Variants in TPMT observed in about 807,000 individuals in gnomAD.
TPMT encodes the protein thiopurine S-methyltransferase, also known as S-adenosyl-L-methionine:thiopurine S-methyltransferase.
In TPMT, 18 loss-of-function variants were observed where a neutral mutation model predicts 34.2. That is an observed-to-expected ratio of 0.53 (90% CI 0.36 to 0.78). The LOEUF is 0.78. Ranked by LOEUF, TPMT falls within the 30% of genes least tolerant of loss-of-function variation. TPMT has a pLI of 0.00. For synonymous variants in TPMT, 69 were observed against 92.4 expected (o/e 0.75, Z 1.45); for missense variants, 265 against 288.1 (o/e 0.92, Z 0.58).
rs1246097949 is a variant in TPMT at position 18,149,693 on chromosome 6, G to A, written c.-44-522C>T. Reference sequence around the variant, plus strand: ...GTTGTCCAGACAACAAAGAACGCCTGGGCTCAAGGGATCCTTCTGTCTTGG... The same window carrying A: ...GTTGTCCAGACAACAAAGAACGCCTAGGCTCAAGGGATCCTTCTGTCTTGG... On this transcript the variant is annotated intron_variant, in intron 1 of 8. Coordinates refer to ENST00000309983, the MANE Select transcript of TPMT (RefSeq NM_000367.5). This position sits in a 1 kb window ranked among gnomAD's most constrained non-coding sequence, Gnocchi z 5.0. Among the ~76,000 whole-genome samples, 4 of 152,066 alleles carry A rather than the reference G, an allele frequency of 2.6e-5. No individual in the cohort carries two copies. The highest frequency in any genetic ancestry group is 4.4e-5 in the Non-Finnish European group (3 of 68,020).
chr6:18,136,945 G>A lies in TPMT; in HGVS notation c.494+2018C>T, dbSNP rs1351442119. ...GGAATCACGACTTTTAGGCATGCAAGGAGGATGGGAGTTCTGGAAAAGAGA... is the reference window on the plus strand; with the variant it reads ...GGAATCACGACTTTTAGGCATGCAAAGAGGATGGGAGTTCTGGAAAAGAGA... On this transcript the variant is annotated intron_variant, in intron 6 of 8. Transcript: ENST00000309983. The surrounding 1 kb of genome is among the most constrained non-coding windows in gnomAD (Gnocchi z 4.7). Among the ~76,000 whole-genome samples, 2 of 152,186 alleles carry A rather than the reference G, an allele frequency of 1.3e-5. No individual in the cohort carries two copies. The highest frequency in any genetic ancestry group is 2.9e-5 in the Non-Finnish European group (2 of 68,038).
At position 18,143,534 on chromosome 6, in the gene TPMT, T is replaced by A; in HGVS notation, c.366+62A>T. ...CACATGAATGGTATCCTCATAATAC[T>A]CACACTGAGAAAAACTTTTGTGGGG... On this transcript the variant is annotated intron_variant, in intron 4 of 8. Coordinates refer to ENST00000309983, the MANE Select transcript of TPMT (RefSeq NM_000367.5). The surrounding 1 kb of genome is among the most constrained non-coding windows in gnomAD (Gnocchi z 6.1). 4 of 1,600,570 alleles carry A rather than the reference T, an allele frequency of 2.5e-6. No homozygotes were observed. Among genetic ancestry groups the A allele is most frequent in the Non-Finnish European group, 3.4e-6 (4 of 1,170,692 alleles).
rs1158772331 is a variant in TPMT at position 18,129,216 on chromosome 6, G to C, written c.*1452C>G. The stretch of plus-strand genomic sequence containing the variant: ...GTATCGACTGGGAGCAGGTCTCAGA[G>C]AAGCAAGAATCACTGTGAGCAAGGA... On this transcript the variant is annotated 3_prime_UTR_variant, in exon 9 of 9. Coordinates refer to ENST00000309983, the MANE Select transcript of TPMT (RefSeq NM_000367.5). 1.3e-5 allele frequency: 2 copies of C among 152,224 alleles called. No individual in the cohort carries two copies. Among genetic ancestry groups the C allele is most frequent in the Non-Finnish European group, 2.9e-5 (2 of 68,052 alleles). The allele number at this position is 152,224 out of a possible 1,614,324, so 9.4% of individuals were successfully genotyped here.
Position 18,139,003 on chromosome 6 carries a change from T to G in TPMT, c.454A>C (p.Arg152=). The G allele has an allele frequency of 6.2e-7, 1 of 1,613,748 alleles. No homozygotes were observed. Among genetic ancestry groups the G allele is most frequent in the Non-Finnish European group, 8.5e-7 (1 of 1,179,588 alleles). The change falls in exon 6 of 9, where the codon AGA becomes CGA. Residue 152 remains arginine (R), a synonymous_variant. Transcript: ENST00000309983. This position sits in a 1 kb window ranked among gnomAD's most constrained non-coding sequence, Gnocchi z 4.2. ...NIGKFDMIWD[R]GALVAINPGD... Reference sequence around the variant, plus strand: ...GGATTGATGGCAACTAATGCTCCTCTATCCCAAATCATGTCAAATTTGCCA... The same window carrying G: ...GGATTGATGGCAACTAATGCTCCTCGATCCCAAATCATGTCAAATTTGCCA...
In TPMT at chr6:18,140,356, G is replaced by A. The variant is rs943626423; in HGVS notation, c.367-639C>T. Among the ~76,000 whole-genome samples the A allele has an allele frequency of 1.3e-5, 2 of 152,224 alleles. No homozygotes were observed. Among genetic ancestry groups the A allele is most frequent in the African/African-American group, 4.8e-5 (2 of 41,462 alleles). On this transcript the variant is annotated intron_variant, in intron 4 of 8. Transcript: ENST00000309983. The surrounding 1 kb of genome is among the most constrained non-coding windows in gnomAD (Gnocchi z 4.7). ...GCGAACTATGTGAACACAGAAGGCA[G>A]AGCAGGGGCCTGCCTGGGAGCATCA...
chr6:18,139,770 G>T lies in TPMT; in HGVS notation c.367-53C>A. The T allele has an allele frequency of 1.6e-6, 2 of 1,276,730 alleles. No individual in the cohort carries two copies. The highest frequency in any genetic ancestry group is 2.2e-6 in the Non-Finnish European group (2 of 891,964). 79.1% of individuals were successfully genotyped at this position (1,276,730 alleles called of 1,614,324 possible). A position where few individuals can be genotyped will look rare whatever the true frequency, so the allele number is the denominator to read the frequency against. ...TTTTTTTTTTACTTAGTAAGTACTT[G>T]AATAGTCAAGGAAAGAGGGCCAAGC... On this transcript the variant is annotated intron_variant, in intron 4 of 8. Coordinates refer to ENST00000309983, the MANE Select transcript of TPMT (RefSeq NM_000367.5). The surrounding 1 kb of genome is among the most constrained non-coding windows in gnomAD (Gnocchi z 4.2).
rs1783941198 is a variant in TPMT, at chr6:18,131,525, G to T, written c.625+608C>A. ...TGCCCAGGGAGGTCGAGGCTGCAGTGAGCTGTGATTGCACTTCTGTACTCC... is the reference window on the plus strand; with the variant it reads ...TGCCCAGGGAGGTCGAGGCTGCAGTTAGCTGTGATTGCACTTCTGTACTCC... On this transcript the variant is annotated intron_variant, in intron 8 of 8. Coordinates refer to ENST00000309983, the MANE Select transcript of TPMT (RefSeq NM_000367.5). This position sits in a 1 kb window ranked among gnomAD's most constrained non-coding sequence, Gnocchi z 4.3. Among the ~76,000 whole-genome samples the T allele has an allele frequency of 6.6e-6, 1 of 152,118 alleles. No homozygotes were observed. The highest frequency in any genetic ancestry group is 1.5e-5 in the Non-Finnish European group (1 of 68,026).
intron 7 of TPMT, among the ~76,000 whole-genome samples, chr6:18,133,379 C>A (rs1382438581): frequency 6.6e-6 from 1 of 152,226 alleles, no homozygotes; most frequent in African/African-American, 2.4e-5. Context: ...TTTTCCTGCA[C>A]AACTTCTGCA....
rs1255403213 is a variant in TPMT, at chr6:18,138,210, G to A, written c.494+753C>T. On this transcript the variant is annotated intron_variant, in intron 6 of 8. Transcript: ENST00000309983. This position sits in a 1 kb window ranked among gnomAD's most constrained non-coding sequence, Gnocchi z 4.1. ...TCCTCATCTGTATAATGGAATAGTA[G>A]CTTATACCTTACAGAATTAAATGTT... 6.6e-6 allele frequency among the ~76,000 whole-genome samples: 1 copy of A among 151,356 alleles called. No homozygotes were observed. Among genetic ancestry groups the A allele is most frequent in the Non-Finnish European group, 1.5e-5 (1 of 67,934 alleles).
chr6:18,132,495 T>C lies in TPMT; in HGVS notation c.581-318A>G, dbSNP rs1195566807. 6.6e-6 allele frequency among the ~76,000 whole-genome samples: 1 copy of C among 152,070 alleles called. No homozygotes were observed. Among genetic ancestry groups the C allele is most frequent in the East Asian group, 1.9e-4 (1 of 5,174 alleles). On this transcript the variant is annotated intron_variant, in intron 7 of 8. Transcript: ENST00000309983. The surrounding 1 kb of genome is among the most constrained non-coding windows in gnomAD (Gnocchi z 4.8). ...AGCATACTGATTTTCTACCAACTCC[T>C]GCACTCACCCACATTTTATACACCC...
Position 18,129,399 on chromosome 6 carries a change from G to C in TPMT, c.*1269C>G, listed in dbSNP as rs561428784. 6.6e-6 allele frequency: 1 copy of C among 152,292 alleles called. No homozygotes were observed. The highest frequency in any genetic ancestry group is 1.5e-5 in the Non-Finnish European group (1 of 68,020). The allele number at this position is 152,292 out of a possible 1,614,324, so 9.4% of individuals were successfully genotyped here. ...CGTAGCTTTCACCAGTGTTAAAGGGGACCCCAAACCTTGCATTAACAACCT... is the reference window on the plus strand; with the variant it reads ...CGTAGCTTTCACCAGTGTTAAAGGGCACCCCAAACCTTGCATTAACAACCT... On this transcript the variant is annotated 3_prime_UTR_variant, in exon 9 of 9. Transcript: ENST00000309983.
rs544293000 is a variant in TPMT, at chr6:18,146,344, C to A, written c.233+1479G>T. Among the ~76,000 whole-genome samples the A allele has an allele frequency of 1.3e-5, 2 of 152,016 alleles. No homozygotes were observed. Among genetic ancestry groups the A allele is most frequent in the Non-Finnish European group, 2.9e-5 (2 of 68,022 alleles). ...CTTCTCAGGTAGTTGGGATTACAAG[C>A]GTACGCTGCCATGCCTGGCTAATTT... On this transcript the variant is annotated intron_variant, in intron 3 of 8. Transcript: ENST00000309983. The surrounding 1 kb of genome is among the most constrained non-coding windows in gnomAD (Gnocchi z 6.2).
chr6:18,148,377 C>T lies in TPMT; in HGVS notation c.141-462G>A, dbSNP rs1016006653. 6.6e-6 allele frequency among the ~76,000 whole-genome samples: 1 copy of T among 152,010 alleles called. No homozygotes were observed. The highest frequency in any genetic ancestry group is 2.4e-5 in the African/African-American group (1 of 41,372). ...AGGCCATCCACATGACAGAAATAAC[C>T]CAGTGTTTCTGGTATGATGATGATG... On this transcript the variant is annotated intron_variant, in intron 2 of 8. Coordinates refer to ENST00000309983, the MANE Select transcript of TPMT (RefSeq NM_000367.5). This position sits in a 1 kb window ranked among gnomAD's most constrained non-coding sequence, Gnocchi z 4.1.
In TPMT at chr6:18,139,808, C is replaced by T; in HGVS notation, c.367-91G>A. ...AAGAGGGCCAAGCAAAGCAAAAGTT[C>T]TAGGGAAAGAATGTGTTAATTAAAC... On this transcript the variant is annotated intron_variant, in intron 4 of 8. Transcript: ENST00000309983. The surrounding 1 kb of genome is among the most constrained non-coding windows in gnomAD (Gnocchi z 4.2). 1 of 801,610 alleles carries T rather than the reference C, an allele frequency of 1.2e-6. No homozygotes were observed. 49.7% of individuals were successfully genotyped at this position (801,610 alleles called of 1,614,324 possible).
At chr6:18,152,257 G>A (rs184513261) in intron 1 of TPMT, among the ~76,000 whole-genome samples, 1 of 152,184 alleles carries the variant, frequency 6.6e-6, no homozygotes. Context: ...CCTTGAAGTT[G>A]CAAAATCCTT....
In TPMT at chr6:18,139,742, AT is replaced by A. The variant is rs34826076; in HGVS notation, c.367-26del. ...TCTGTAATGAAATAATGAAAAAAAA[AT>A]TTTTTTTTTTTACTTAGTAAGTACT... On this transcript the variant is annotated intron_variant, in intron 4 of 8. Transcript: ENST00000309983. This position sits in a 1 kb window ranked among gnomAD's most constrained non-coding sequence, Gnocchi z 4.2. The A allele has an allele frequency of 4.6e-3, 2,854 of 626,336 alleles. No individual in the cohort carries two copies. Among genetic ancestry groups the A allele is most frequent in the Middle Eastern group, 0.011 (24 of 2,124 alleles). The allele number at this position is 626,336 out of a possible 1,614,324, so 38.8% of individuals were successfully genotyped here. A position where few individuals can be genotyped will look rare whatever the true frequency, so the allele number is the denominator to read the frequency against.
chr6:18,144,027 A>T (rs1171658091), intron 3 of TPMT, among the ~76,000 whole-genome samples: 1 of 152,218 alleles, frequency 6.6e-6, no homozygotes, highest in Non-Finnish European at 1.5e-5. Context: ...ATACTGATTT[A>T]ATACAAATTG....
chr6:18,139,122 A>G lies in TPMT; in HGVS notation c.420-85T>C. 1 of 1,159,924 alleles carries G rather than the reference A, an allele frequency of 8.6e-7. No homozygotes were observed. Among genetic ancestry groups the G allele is most frequent in the Non-Finnish European group, 1.3e-6 (1 of 766,132 alleles). The allele number at this position is 1,159,924 out of a possible 1,614,324, so 71.9% of individuals were successfully genotyped here. A position where few individuals can be genotyped will look rare whatever the true frequency, so the allele number is the denominator to read the frequency against. Reference sequence around the variant, plus strand: ...AGCGTCCCCCATGGTGCATGCTGGTACTTCAACAATCGTCAAGGTATTAGG... The same window carrying G: ...AGCGTCCCCCATGGTGCATGCTGGTGCTTCAACAATCGTCAAGGTATTAGG... On this transcript the variant is annotated intron_variant, in intron 5 of 8. Transcript: ENST00000309983. The surrounding 1 kb of genome is among the most constrained non-coding windows in gnomAD (Gnocchi z 4.2).
chr6:18,151,880 C>T (rs907778506), intron 1 of TPMT, among the ~76,000 whole-genome samples: 15 of 152,084 alleles, frequency 9.9e-5, no homozygotes, highest in Non-Finnish European at 1.9e-4. Flanking sequence ...GAGAAGTGGG[C>T]GAGGGTCCCA....
Sources: allele counts gnomAD v4.1 joint callset (sites outside exome capture counted in the v4.1 genomes callset), GRCh38; gene constraint gnomAD v4.1.1; non-coding constraint Gnocchi (gnomAD v3.1); transcripts MANE v1.5; gene names NCBI Gene and HGNC (gene_info 2026-07-23, HGNC 2026-07-21).